Variants in ZNF365 observed in about 807,000 individuals in gnomAD.
ZNF365 encodes the protein protein ZNF365.
In ZNF365, 22 loss-of-function variants were observed where a neutral mutation model predicts 35.0. The observed-to-expected ratio is 0.63, with a 90% CI of 0.45 to 0.90. ZNF365 has a LOEUF of 0.90. Among genes scored for constraint, ZNF365 ranks in the 40% least tolerant of loss-of-function variants. The probability of loss-of-function intolerance (pLI) is 0.00; values close to 1 mark genes in which losing one functional copy is unlikely to be tolerated. For synonymous variants in ZNF365, 188 were observed against 196.2 expected (o/e 0.96, Z 0.35); for missense variants, 448 against 500.3 (o/e 0.90, Z 1.00).
At chr10:62,453,857 T>C (rs184955511) in intron 3 of ZNF365, among the ~76,000 whole-genome samples, 28 of 152,348 alleles carry the variant, frequency 1.8e-4, no homozygotes, top group African/African-American at 5.8e-4. Flanking sequence ...TGGGATATGA[T>C]TTAAGTAAGT....
At chr10:62,403,781 T>C (rs992355926), downstream of ZNF365, among the ~76,000 whole-genome samples, 1 of 152,210 alleles carries the variant, frequency 6.6e-6, no homozygotes, top group East Asian at 1.9e-4. Flanking sequence ...TATAGTGTTT[T>C]TGAGAAATAG....
chr10:62,377,890 T>G (rs1444546931), intron 2 of ZNF365, among the ~76,000 whole-genome samples: 2 of 152,230 alleles, frequency 1.3e-5, no homozygotes, highest in Non-Finnish European at 2.9e-5. Flanking sequence ...TTGATTTAAT[T>G]TCATCTTTTC....
intron 4 of ZNF365, among the ~76,000 whole-genome samples, chr10:62,466,563 G>A (rs1409999916): frequency 6.6e-6 from 1 of 152,120 alleles, no homozygotes. Context: ...AGGCACTGCT[G>A]GCCATAGAGG....
Position 62,376,355 on chromosome 10 carries a change from A to G in ZNF365, c.162A>G (p.Glu54=), listed in dbSNP as rs1190307347. ...ATCTGGAGTTCAGTCACAGCTACGA[A>G]GAAAGAACCCTCTTGACAAAATGCA... ...RAHLEFSHSY[E]ERTLLTKCSL... is the part of the protein sequence containing the mutation. Residue 54 remains glutamate (E), a synonymous_variant, in exon 2 of 5, where the codon GAA becomes GAG. Coordinates refer to ENST00000395254, the MANE Select transcript of ZNF365 (RefSeq NM_014951.3). The G allele has an allele frequency of 6.2e-7, 1 of 1,614,190 alleles. No individual in the cohort carries two copies. Among genetic ancestry groups the G allele is most frequent in the African/African-American group, 1.3e-5 (1 of 75,050 alleles).
intron 2 of ZNF365, among the ~76,000 whole-genome samples, chr10:62,378,261 T>C (rs1274542735): frequency 2.0e-5 from 3 of 152,246 alleles, no homozygotes; most frequent in Non-Finnish European, 2.9e-5. Context: ...GGTTACTCTA[T>C]GCGTAAAGAA....
intron 4 of ZNF365, among the ~76,000 whole-genome samples, chr10:62,469,802 T>C (rs969930888): frequency 2.0e-5 from 3 of 152,104 alleles, no homozygotes; most frequent in Admixed American, 6.6e-5. Flanking sequence ...TCACCCTCAT[T>C]TTACATGTGA....
chr10:62,446,183 C>T (rs1840585231), intron 3 of ZNF365, among the ~76,000 whole-genome samples: 1 of 152,124 alleles, frequency 6.6e-6, no homozygotes. Flanking sequence ...AGAAAAGGAC[C>T]CAGAGTTCCA....
At chr10:62,474,111 A>G (rs1438786858) in intron 4 of ZNF365, among the ~76,000 whole-genome samples, 5 of 152,164 alleles carry the variant, frequency 3.3e-5, no homozygotes, top group Non-Finnish European at 7.3e-5. Context: ...TGTTCCCAGA[A>G]ATTGCCAGAA....
intron 2 of ZNF365, among the ~76,000 whole-genome samples, chr10:62,382,316 A>G (rs1839453111): frequency 6.6e-6 from 1 of 152,230 alleles, no homozygotes; most frequent in South Asian, 2.1e-4. Context: ...TATAGAGGTC[A>G]GCGGGGTGGA....
chr10:62,473,474 T>C (rs1264788374), intron 4 of ZNF365, among the ~76,000 whole-genome samples: 3 of 152,162 alleles, frequency 2.0e-5, no homozygotes, highest in Non-Finnish European at 4.4e-5. Flanking sequence ...GTATCCTGGT[T>C]ATGAGTTTCG....
chr10:62,439,007 A>C (rs1840451438), intron 3 of ZNF365, among the ~76,000 whole-genome samples: 1 of 152,252 alleles, frequency 6.6e-6, no homozygotes. Flanking sequence ...AATAGAAAAT[A>C]GTGCTCATTT....
chr10:62,375,230 G>A (rs1839300219), intron 1 of ZNF365, among the ~76,000 whole-genome samples: 3 of 152,166 alleles, frequency 2.0e-5, no homozygotes, highest in Non-Finnish European at 4.4e-5. Context: ...ATTCCTACAA[G>A]GAAACCAGAA....
intron 2 of ZNF365, among the ~76,000 whole-genome samples, chr10:62,382,816 G>C (rs1047452053): frequency 1.3e-5 from 2 of 152,224 alleles, no homozygotes; most frequent in African/African-American, 2.4e-5. Flanking sequence ...GTTATGGTCT[G>C]TCTGAGGTGC....
At chr10:62,470,449 C>A (rs1406558453) in intron 4 of ZNF365, among the ~76,000 whole-genome samples, 1 of 152,198 alleles carries the variant, frequency 6.6e-6, no homozygotes, top group African/African-American at 2.4e-5. Context: ...GCAGAAGTTG[C>A]CAGTGCTGGC....
chr10:62,378,237 A>G (rs1839369783), intron 2 of ZNF365, among the ~76,000 whole-genome samples: 1 of 152,246 alleles, frequency 6.6e-6, no homozygotes, highest in South Asian at 2.1e-4. Flanking sequence ...TGCTGTTGAA[A>G]AAAGGGCAGA....
chr10:62,387,309 G>A (rs1006530732), intron 2 of ZNF365, among the ~76,000 whole-genome samples: 2 of 152,228 alleles, frequency 1.3e-5, no homozygotes, highest in Admixed American at 6.5e-5. Context: ...GTGCTTGGGT[G>A]GGTGTGTTTG....
rs1241309257 is a variant in ZNF365, at chr10:62,401,597, ATTAT to A, written c.*1815_*1818del. ...TTGTAAAAATTGTAATGTTATAATT[ATTAT>A]TTATTTGGAGAATTAACTTCCCCCT... On this transcript the variant is annotated 3_prime_UTR_variant, in exon 5 of 5. Transcript: ENST00000395254. 4.1e-6 allele frequency: 4 copies of A among 984,044 alleles called. No homozygotes were observed. The highest frequency in any genetic ancestry group is 1.7e-5 in the African/African-American group (1 of 57,198). The allele number at this position is 984,044 out of a possible 1,614,324, so 61.0% of individuals were successfully genotyped here. A position where few individuals can be genotyped will look rare whatever the true frequency, so the allele number is the denominator to read the frequency against.
At position 62,399,770 on chromosome 10, in the gene ZNF365, C is replaced by G. The variant is rs1839795006; in HGVS notation, c.1205C>G (p.Ala402Gly). 6.2e-7 allele frequency: 1 copy of G among 1,613,026 alleles called. No individual in the cohort carries two copies. The highest frequency in any genetic ancestry group is 1.7e-5 in the Admixed American group (1 of 59,930). The change falls in exon 5 of 5, where the codon GCC becomes GGC. Residue 402 changes from alanine to glycine, a missense_variant. By Grantham distance (60) the Ala-to-Gly change is moderately conservative (BLOSUM62 0). Transcript: ENST00000395254. Reference sequence around the variant, plus strand: ...AAAATGGCTAAAAAAAAGCCAACAGCCATTGTGAACATCATCTAAAAGGGT... The same window carrying G: ...AAAATGGCTAAAAAAAAGCCAACAGGCATTGTGAACATCATCTAAAAGGGT... ...RPKMAKKKPTAIVNII is the reference protein window; with the variant it reads ...RPKMAKKKPTGIVNII
At chr10:62,389,980 G>A (rs940061301) in intron 3 of ZNF365, among the ~76,000 whole-genome samples, 3 of 152,034 alleles carry the variant, frequency 2.0e-5, no homozygotes, top group African/African-American at 2.4e-5. Flanking sequence ...AACCATGAGC[G>A]TGTCCAGCCT....
Sources: gnomAD v4.1 joint callset for allele counts (sites outside exome capture counted in the v4.1 genomes callset) on GRCh38, gnomAD v4.1.1 for gene constraint, MANE v1.5 for transcripts, NCBI Gene and HGNC (gene_info 2026-07-23, HGNC 2026-07-21) for gene names.